The following FGF22 variants were observed in gnomAD, a reference collection of about 807,000 sequenced individuals.
FGF22 encodes FGF-22.
In FGF22, 11 loss-of-function variants were observed where a neutral mutation model predicts 10.3. The observed-to-expected ratio is 1.07, with a 90% confidence interval of 0.67 to 1.77. The LOEUF (loss-of-function observed/expected upper bound fraction) is 1.77, where lower values mean the gene tolerates loss of function less well. Ranked by LOEUF, FGF22 falls within the 40% of genes most tolerant of loss-of-function variation. The pLI is 0.00. For missense variants in FGF22, 317 were observed against 273.2 expected, an observed-to-expected ratio of 1.16 and a Z score of -1.13; for synonymous variants, 136 against 122.1, an observed-to-expected ratio of 1.11 and a Z score of -0.75.
rs143614211 is a variant in FGF22 at position 640,945 on chromosome 19, G to A, written c.214+806G>A. 5.2e-3 allele frequency: 1,756 copies of A among 340,188 alleles called. 8 individuals carry two copies. Among genetic ancestry groups the A allele is most frequent in the Middle Eastern group, 9.8e-3 (9 of 918 alleles). The allele number at this position is 340,188 out of a possible 1,614,324, so 21.1% of individuals were successfully genotyped here. A position where few individuals can be genotyped will look rare whatever the true frequency, so the allele number is the denominator to read the frequency against. On this transcript the variant is annotated intron_variant, in intron 1 of 2. Coordinates refer to ENST00000215530, the Ensembl canonical transcript of FGF22. Reference sequence around the variant, plus strand: ...TCATTAGGCCGCACGTGACGAGGGCGGACAGGGGACTGGCTGGGCCGGTCC... The same window carrying A: ...TCATTAGGCCGCACGTGACGAGGGCAGACAGGGGACTGGCTGGGCCGGTCC...
At chr19:643,678 C>T in exon 3 of FGF22, 1 of 1,271,556 alleles carries the variant, frequency 7.9e-7, no homozygotes, top group Non-Finnish European at 1.1e-6. Flanking sequence ...TGTTCTTCCC[C>T]CTGCGGGCTC....
intron 1 of FGF22, among the ~76,000 whole-genome samples, chr19:642,839 C>T (rs11085151): frequency 0.27 from 40,871 of 148,796 alleles, 5,522 homozygotes; most frequent in East Asian, 0.37. Flanking sequence ...CGTGGTGTTG[C>T]TGCCCCCCTG....
exon 3 of FGF22, chr19:643,738 G>C: frequency 1.3e-6 from 1 of 796,056 alleles, no homozygotes; most frequent in Non-Finnish European, 1.9e-6. Flanking sequence ...CACAGCCCAG[G>C]AGCCCTCCAG....
intron 1 of FGF22, chr19:641,295 G>A (rs1274707065): frequency 4.4e-6 from 2 of 454,674 alleles, no homozygotes; most frequent in Admixed American, 2.4e-5. Context: ...GTGAACGGTT[G>A]GCCGGGTGCA....
In FGF22 at chr19:643,250, G is replaced by A. The variant is rs138373700; in HGVS notation, c.230G>A (p.Arg77His). The change falls in exon 2 of 3, where the codon CGC (arginine) becomes CAC (histidine). Residue 77 changes from arginine to histidine, a missense_variant. By Grantham distance (29) the Arg-to-His change is conservative. Coordinates refer to ENST00000215530, the Ensembl canonical transcript of FGF22. ...CCTCCCCCAGGCATCCTGGAGATCC[G>A]CTCTGTACACGTGGGCGTCGTGGTC... 2.0e-3 allele frequency: 3,205 copies of A among 1,611,248 alleles called. 12 individuals are homozygous for A. Among genetic ancestry groups the A allele is most frequent in the Middle Eastern group, 5.8e-3 (35 of 6,044 alleles).
At chr19:640,993 C>A (rs1266003590) in intron 1 of FGF22, 1 of 359,732 alleles carries the variant, frequency 2.8e-6, no homozygotes. Context: ...CATGGCCAGG[C>A]GGGGTGGCCT....
chr19:641,461 G>A (rs1462218990), intron 1 of FGF22: 1 of 347,334 alleles, frequency 2.9e-6, no homozygotes, highest in East Asian at 7.6e-5. Context: ...TGTAGTCCCA[G>A]CTACTCGGGA....
At chr19:643,980 C>CGCAGAACACCA (rs1986002638) in exon 3 of FGF22, 1 of 295,204 alleles carries the variant, frequency 3.4e-6, no homozygotes, top group Non-Finnish European at 6.3e-6. Flanking sequence ...TGACAGACGC[C>CGCAGAACACCA]GCAGAACACC....
rs538513255 is a variant in FGF22 at position 643,343 on chromosome 19, G to A, written c.318+5G>A. ...CGGGGCCGCCTCTACGGGTCGGTGA[G>A]TGCCGGGCAGGGCTGGGCGGCGCGG... is the stretch of plus-strand genomic sequence containing the variant. On this transcript the variant is annotated splice_donor_5th_base_variant and intron_variant, in intron 2 of 2. Transcript: ENST00000215530. The A allele has an allele frequency of 2.0e-5, 32 of 1,608,894 alleles. No homozygotes were observed. The highest frequency in any genetic ancestry group is 5.0e-5 in the Admixed American group (3 of 59,784).
intron 1 of FGF22, 109 bp from the exon 2 acceptor site, chr19:643,126 G>A: frequency 3.8e-6 from 1 of 260,050 alleles, no homozygotes; most frequent in Non-Finnish European, 6.7e-6. Flanking sequence ...TGGTCCCGGG[G>A]GTCTCCTGGT....
exon 1 of FGF22, chr19:639,913 C>G (rs1215038258): frequency 5.8e-6 from 7 of 1,212,318 alleles, no homozygotes; most frequent in African/African-American, 1.6e-5. Flanking sequence ...CGCAGCGAAC[C>G]GGGTGCCGGG....
intron 1 of FGF22, among the ~76,000 whole-genome samples, chr19:642,179 G>A (rs1011877862): frequency 8.5e-5 from 13 of 152,234 alleles, no homozygotes; most frequent in Non-Finnish European, 1.5e-5. Flanking sequence ...CGGAGTCCCA[G>A]TGACTGTGCG....
intron 1 of FGF22, chr19:641,573 TCAA>T: frequency 1.5e-5 from 1 of 64,534 alleles, no homozygotes; most frequent in South Asian, 3.8e-4. Context: ...AGACTCCGTC[TCAA>T]AAAAAAAAAA....
At chr19:642,742 C>A (rs1227549277) in intron 1 of FGF22, among the ~76,000 whole-genome samples, 1 of 151,714 alleles carries the variant, frequency 6.6e-6, no homozygotes, top group Non-Finnish European at 1.5e-5. Flanking sequence ...TGCTGCTGGT[C>A]GCTGGCTCAT....
chr19:639,914 G>C, exon 1 of FGF22: 3 of 1,213,428 alleles, frequency 2.5e-6, no homozygotes, highest in South Asian at 3.7e-5. Flanking sequence ...GCAGCGAACC[G>C]GGTGCCGGGT....
intron 1 of FGF22, among the ~76,000 whole-genome samples, chr19:642,970 T>C (rs1985953448): frequency 1.3e-5 from 2 of 152,000 alleles, no homozygotes; most frequent in Non-Finnish European, 2.9e-5. Context: ...CATCGATCTC[T>C]GCACTCCCCC....
chr19:640,811 G>C (rs1395732351), intron 1 of FGF22: 1 of 221,376 alleles, frequency 4.5e-6, no homozygotes, highest in Non-Finnish European at 9.4e-6. Context: ...CCGGGCGGGG[G>C]GCACTGGGAA....
chr19:640,309 G>C (rs1402954549), intron 1 of FGF22, 170 bp downstream of exon 1: 4 of 418,808 alleles, frequency 9.6e-6, no homozygotes, highest in African/African-American at 4.1e-5. Context: ...CTGGTGGGAG[G>C]GTTGCACTGT....
chr19:640,163 T>C, intron 1 of FGF22, 24 bp downstream of exon 1: 1 of 1,256,292 alleles, frequency 8.0e-7, no homozygotes, highest in South Asian at 2.5e-5. Flanking sequence ...GGCGGGGGCC[T>C]GGGGTGGGGA....
Sources: gnomAD v4.1 joint callset for allele counts (sites outside exome capture counted in the v4.1 genomes callset) on GRCh38, gnomAD v4.1.1 for gene constraint, MANE v1.5 for transcripts, NCBI Gene and HGNC (gene_info 2026-07-23, HGNC 2026-07-21) for gene names.